The following ACER3 variants were observed in gnomAD, a reference collection of about 807,000 sequenced individuals.
ACER3 encodes the protein alkCDase 3.
A neutral mutation model predicts 48.9 loss-of-function variants in ACER3; 16 were observed. The ratio of observed to expected loss-of-function variants is 0.33; its 90% confidence interval spans 0.22 to 0.50. The LOEUF (loss-of-function observed/expected upper bound fraction) is 0.50. Ranked by LOEUF, ACER3 falls within the 20% of genes least tolerant of loss-of-function variation. The probability of loss-of-function intolerance (pLI) is 0.98; values close to 1 mark genes in which losing one functional copy is unlikely to be tolerated. For missense variants in ACER3, 227 were observed against 326.0 expected, an observed-to-expected ratio of 0.70 and a Z score of 2.34; for synonymous variants, 109 against 107.8, an observed-to-expected ratio of 1.01 and a Z score of -0.07.
intron 1 of ACER3, among the ~76,000 whole-genome samples, chr11:76,889,101 A>G (rs2134611585): frequency 6.6e-6 from 1 of 152,238 alleles, no homozygotes; most frequent in South Asian, 2.1e-4. Context: ...CTCTATATAG[A>G]TGATCTCAGA....
chr11:76,900,198 A>G (rs1335815801), intron 1 of ACER3, among the ~76,000 whole-genome samples: 3 of 151,892 alleles, frequency 2.0e-5, no homozygotes, highest in Non-Finnish European at 4.4e-5. Flanking sequence ...TATATTTACT[A>G]TTCATTAAGT....
At chr11:77,016,929 AAAG>A (rs1312543891) in intron 9 of ACER3, 150 bp downstream of exon 9, 5 of 434,024 alleles carry the variant, frequency 1.2e-5, no homozygotes, top group Non-Finnish European at 2.0e-5. Flanking sequence ...CCGCTGGGTC[AAAG>A]AAGAAGTCAA....
chr11:76,866,769 A>G lies in ACER3; in HGVS notation c.103+5690A>G, dbSNP rs150661946. ...TTAGTTAAATAAGCAGCTCAGCATC[A>G]TACAGCTATTAAGAGGCAGAAATGG... is the stretch of plus-strand genomic sequence containing the variant. On this transcript the variant is annotated intron_variant, in intron 1 of 10. Transcript: ENST00000532485. Among the ~76,000 whole-genome samples, 580 of 152,382 alleles carry G rather than the reference A, an allele frequency of 3.8e-3. 6 individuals are homozygous for G. The highest frequency in any genetic ancestry group is 0.013 in the African/African-American group (552 of 41,588).
intron 3 of ACER3, among the ~76,000 whole-genome samples, chr11:76,975,874 C>CTTTTTTTTTTTTTTTT (rs34786738): frequency 3.5e-4 from 29 of 82,732 alleles, no homozygotes; most frequent in African/African-American, 1.3e-3. Context: ...TTTTTCTTTT[C>CTTTTTTTTTTTTTTTT]TTTTTTTTTT....
At chr11:76,863,437 T>C (rs1319308565) in intron 1 of ACER3, among the ~76,000 whole-genome samples, 1 of 152,128 alleles carries the variant, frequency 6.6e-6, no homozygotes, top group Non-Finnish European at 1.5e-5. Flanking sequence ...TGAGTGAATG[T>C]TTGCAGCCCT....
At chr11:77,010,880 A>G (rs1401904455) in intron 7 of ACER3, among the ~76,000 whole-genome samples, 1 of 152,236 alleles carries the variant, frequency 6.6e-6, no homozygotes, top group East Asian at 1.9e-4. Flanking sequence ...AGGCAGCCAA[A>G]CTATCAGTAA....
At chr11:76,948,019 A>G (rs373545961) in intron 2 of ACER3, among the ~76,000 whole-genome samples, 31 of 152,348 alleles carry the variant, frequency 2.0e-4, no homozygotes, top group Middle Eastern at 6.8e-3. Flanking sequence ...GGCAGCTGCA[A>G]TGGCTCTTCA....
intron 8 of ACER3, among the ~76,000 whole-genome samples, chr11:77,015,577 T>A (rs1555023152): frequency 1.3e-5 from 2 of 152,184 alleles, no homozygotes; most frequent in African/African-American, 4.8e-5. Flanking sequence ...TAGACTTAGG[T>A]CTCTGGATTC....
At chr11:76,865,991 GTTT>G (rs201031925) in intron 1 of ACER3, among the ~76,000 whole-genome samples, 99 of 128,280 alleles carry the variant, frequency 7.7e-4, no homozygotes, top group Middle Eastern at 4.4e-3. Flanking sequence ...TTTGTTTTTT[GTTT>G]TTTTTTTTTT....
intron 1 of ACER3, among the ~76,000 whole-genome samples, chr11:76,873,768 A>G (rs905549410): frequency 2.6e-5 from 4 of 152,100 alleles, no homozygotes; most frequent in African/African-American, 9.7e-5. Context: ...TTTAAGTGGA[A>G]CAGTAATTGT....
At chr11:76,915,918 A>G (rs754257059) in intron 1 of ACER3, among the ~76,000 whole-genome samples, 5 of 152,142 alleles carry the variant, frequency 3.3e-5, no homozygotes, top group Non-Finnish European at 5.9e-5. Context: ...ATCACCTCCC[A>G]CCAGATCCCT....
rs67954212 is a variant in ACER3, at chr11:76,887,811, C to CTT, written c.103+26755_103+26756dup. On this transcript the variant is annotated intron_variant, in intron 1 of 10. Coordinates refer to ENST00000532485, the MANE Select transcript of ACER3 (RefSeq NM_018367.7). ...TGTGGATGTTAATTACTATAGGTAA[C>CTT]TTTTTTTTTTTTTTTTTTTTTTTTG... Among the ~76,000 whole-genome samples the CTT allele has an allele frequency of 7.9e-3, 689 of 87,134 alleles. 3 individuals are homozygous for CTT. Among genetic ancestry groups the CTT allele is most frequent in the East Asian group, 0.024 (66 of 2,786 alleles). The allele number at this position is 87,134 out of a possible 152,430, so 57.2% of individuals were successfully genotyped here.
chr11:76,958,436 C>T (rs1422944743), intron 2 of ACER3, among the ~76,000 whole-genome samples: 1 of 152,102 alleles, frequency 6.6e-6, no homozygotes, highest in Admixed American at 6.5e-5. Flanking sequence ...GTCCACCCAC[C>T]TCAACCTCCC....
intron 1 of ACER3, among the ~76,000 whole-genome samples, chr11:76,908,979 C>T (rs1946303709): frequency 6.6e-6 from 1 of 152,118 alleles, no homozygotes; most frequent in Admixed American, 6.5e-5. Flanking sequence ...CATCTACAAC[C>T]ATCTGATCTT....
At chr11:76,934,586 A>G (rs935300084) in intron 2 of ACER3, among the ~76,000 whole-genome samples, 6 of 152,216 alleles carry the variant, frequency 3.9e-5, no homozygotes, top group African/African-American at 7.2e-5. Flanking sequence ...TCGGCAGGCT[A>G]AGGCAGGAGA....
chr11:76,918,933 T>C (rs1381793300), intron 1 of ACER3, among the ~76,000 whole-genome samples: 1 of 152,062 alleles, frequency 6.6e-6, no homozygotes, highest in African/African-American at 2.4e-5. Flanking sequence ...TGGGAATGTT[T>C]AACATTATTT....
intron 1 of ACER3, among the ~76,000 whole-genome samples, chr11:76,880,026 G>A (rs1945482440): frequency 6.6e-6 from 1 of 152,018 alleles, no homozygotes; most frequent in Non-Finnish European, 1.5e-5. Flanking sequence ...GAATCTGGGG[G>A]TAACTCTGTT....
At chr11:76,872,278 G>C (rs1232604269) in intron 1 of ACER3, among the ~76,000 whole-genome samples, 1 of 152,038 alleles carries the variant, frequency 6.6e-6, no homozygotes, top group Non-Finnish European at 1.5e-5. Flanking sequence ...GTTTCACCAT[G>C]TTGGCCAGGC....
intron 2 of ACER3, among the ~76,000 whole-genome samples, chr11:76,958,236 G>C (rs1235918665): frequency 6.7e-6 from 1 of 148,618 alleles, no homozygotes; most frequent in Non-Finnish European, 1.5e-5. Flanking sequence ...GCCCGGGCTG[G>C]AGTGCAGTGG....
Sources: allele counts gnomAD v4.1 joint callset (sites outside exome capture counted in the v4.1 genomes callset), GRCh38; gene constraint gnomAD v4.1.1; transcripts MANE v1.5; gene names NCBI Gene and HGNC (gene_info 2026-07-23, HGNC 2026-07-21).